The following SPAG6 variants were observed in gnomAD, a reference collection of about 807,000 sequenced individuals.
The protein encoded by SPAG6 is sperm associated antigen 6, also known as sperm-associated antigen 6.
SPAG6 carries 49 observed loss-of-function variants against 58.5 expected under a neutral mutation model. The observed-to-expected ratio is 0.84, with a 90% CI of 0.67 to 1.06. The LOEUF (loss-of-function observed/expected upper bound fraction) is 1.06, where lower values mean the gene tolerates loss of function less well. Among genes scored for constraint, SPAG6 ranks in the 50% least tolerant of loss-of-function variants. The pLI is 0.00. For synonymous variants in SPAG6, 233 were observed against 225.6 expected, an observed-to-expected ratio of 1.03 and a Z score of -0.29; for missense variants, 560 against 611.3, an observed-to-expected ratio of 0.92 and a Z score of 0.89.
At chr10:22,388,200 G>A (rs1174894638) in intron 6 of SPAG6, among the ~76,000 whole-genome samples, 1 of 151,690 alleles carries the variant, frequency 6.6e-6, no homozygotes, top group Non-Finnish European at 1.5e-5. Context: ...TGTTTAGCAG[G>A]ATCCCTAACC....
At chr10:22,358,506 G>A (rs1244703793) in intron 2 of SPAG6, among the ~76,000 whole-genome samples, 4 of 152,058 alleles carry the variant, frequency 2.6e-5, no homozygotes, top group Admixed American at 2.0e-4. Flanking sequence ...AGTAGGTTGC[G>A]AAAATTTTCT....
intron 9 of SPAG6, 96 bp downstream of exon 9, chr10:22,401,373 G>T (rs1323217119): frequency 1.4e-6 from 1 of 695,156 alleles, no homozygotes. Flanking sequence ...CTGTAACACG[G>T]GGTCATGGTT....
chr10:22,364,741 T>C (rs1564364348), intron 2 of SPAG6, 112 bp from the exon 3 acceptor site: 2 of 717,004 alleles, frequency 2.8e-6, no homozygotes, highest in South Asian at 4.6e-5. Context: ...TGAATAGTTT[T>C]ATTTTTACTG....
chr10:22,361,049 A>T, intron 2 of SPAG6: 1 of 482,712 alleles, frequency 2.1e-6, no homozygotes, highest in Non-Finnish European at 3.7e-6. Flanking sequence ...AGAGAAGCAC[A>T]TGGGGACTGA....
intron 2 of SPAG6, chr10:22,360,857 T>C (rs1422894685): frequency 2.0e-6 from 3 of 1,521,630 alleles, no homozygotes; most frequent in Non-Finnish European, 2.6e-6. Context: ...GGATACCTAA[T>C]GGACAGGCAG....
chr10:22,406,477 G>C (rs1834559471), intron 9 of SPAG6, among the ~76,000 whole-genome samples: 1 of 152,130 alleles, frequency 6.6e-6, no homozygotes, highest in Non-Finnish European at 1.5e-5. Context: ...CTGAGTTCTA[G>C]TTTGATTGCA....
intron 4 of SPAG6, among the ~76,000 whole-genome samples, chr10:22,372,485 TGG>T (rs1341975174): frequency 3.3e-5 from 5 of 152,136 alleles, no homozygotes; most frequent in Non-Finnish European, 7.4e-5. Context: ...GCTCAGCCAC[TGG>T]GAGGTGGGTG....
intron 9 of SPAG6, among the ~76,000 whole-genome samples, chr10:22,404,617 G>A (rs1273927428): frequency 5.5e-5 from 7 of 128,328 alleles, no homozygotes; most frequent in East Asian, 2.1e-4. Flanking sequence ...TTGGCAATGC[G>A]GGCTCTTTTT....
At chr10:22,387,309 A>T (rs1834090232) in intron 5 of SPAG6, among the ~76,000 whole-genome samples, 1 of 152,180 alleles carries the variant, frequency 6.6e-6, no homozygotes, top group Non-Finnish European at 1.5e-5. Flanking sequence ...TATTTATCTT[A>T]GCCTTTTTTA....
Position 22,393,748 on chromosome 10 carries a change from C to G in SPAG6, c.1197+1828C>G, listed in dbSNP as rs574575712. Among the ~76,000 whole-genome samples the G allele has an allele frequency of 4.6e-5, 7 of 152,138 alleles. 1 individual carries two copies. The East Asian group carries it at 1.4e-3, about 29-fold the overall frequency. On this transcript the variant is annotated intron_variant, in intron 8 of 10. Coordinates refer to ENST00000376624, the MANE Select transcript of SPAG6 (RefSeq NM_012443.4). ...TGTAGGGATTTGATCATTCTTTTTT[C>G]TTTCCCCACGGTCTCGTGAATTCTC...
At chr10:22,358,038 TA>T (rs1564361806) in intron 2 of SPAG6, among the ~76,000 whole-genome samples, 1 of 152,112 alleles carries the variant, frequency 6.6e-6, no homozygotes, top group Admixed American at 6.6e-5. Context: ...AGTGTCGCAA[TA>T]AACATACGTG....
Position 22,391,755 on chromosome 10 carries a change from G to C in SPAG6, c.1032G>C (p.Leu344Phe). Residue 344 changes from leucine (L) to phenylalanine (F), a missense_variant, in exon 8 of 11, where the codon TTG becomes TTC. By Grantham distance (22) the Leu-to-Phe change is conservative (BLOSUM62 0). Coordinates refer to ENST00000376624, the MANE Select transcript of SPAG6 (RefSeq NM_012443.4). ...GTGTACCCCAGTTGTCAGTCTGCTTGTCAGAAGAACCGGAAGATCATATTA... is the reference window on the plus strand; with the variant it reads ...GTGTACCCCAGTTGTCAGTCTGCTTCTCAGAAGAACCGGAAGATCATATTA... ...SKGVPQLSVC[L>F]SEEPEDHIKA... 3 of 1,613,456 alleles carry C rather than the reference G, an allele frequency of 1.9e-6. No individual in the cohort carries two copies. Among genetic ancestry groups the C allele is most frequent in the East Asian group, 2.2e-5 (1 of 44,870 alleles).
intron 4 of SPAG6, among the ~76,000 whole-genome samples, chr10:22,373,939 A>T (rs1833761790): frequency 6.6e-6 from 1 of 152,256 alleles, no homozygotes. Context: ...CAAATGTGCT[A>T]AACAAAACAA....
At chr10:22,390,244 T>C (rs1834156274) in intron 7 of SPAG6, among the ~76,000 whole-genome samples, 1 of 152,178 alleles carries the variant, frequency 6.6e-6, no homozygotes. Context: ...TTCTGAAGGG[T>C]CACGGTAAGG....
chr10:22,394,687 A>G (rs866303919), intron 8 of SPAG6, among the ~76,000 whole-genome samples: 2 of 152,150 alleles, frequency 1.3e-5, no homozygotes, highest in Non-Finnish European at 2.9e-5. Context: ...TCTTTTGGAC[A>G]TTTCATTTAA....
At chr10:22,381,819 T>C (rs1161738124) in intron 4 of SPAG6, among the ~76,000 whole-genome samples, 2 of 152,226 alleles carry the variant, frequency 1.3e-5, no homozygotes, top group African/African-American at 4.8e-5. Flanking sequence ...TGAATGTTGT[T>C]GATCTTAAAA....
intron 8 of SPAG6, among the ~76,000 whole-genome samples, chr10:22,398,999 A>G (rs369835866): frequency 1.3e-5 from 2 of 152,134 alleles, no homozygotes; most frequent in South Asian, 2.1e-4. Flanking sequence ...TTGTATTTTC[A>G]ATAGACACAG....
rs1336838715 is a variant in SPAG6 at position 22,345,581 on chromosome 10, C to A, written c.-31C>A. 1 of 1,521,662 alleles carries A rather than the reference C, an allele frequency of 6.6e-7. No individual in the cohort carries two copies. Among genetic ancestry groups the A allele is most frequent in the South Asian group, 1.2e-5 (1 of 81,794 alleles). The allele number at this position is 1,521,662 out of a possible 1,614,324, so 94.3% of individuals were successfully genotyped here. ...CAGGCCGAGCGGCTTCCCCGCAGAGCTCGAGGAGGGCAGACGGCGGCGGGG... is the reference window on the plus strand; with the variant it reads ...CAGGCCGAGCGGCTTCCCCGCAGAGATCGAGGAGGGCAGACGGCGGCGGGG... On this transcript the variant is annotated 5_prime_UTR_variant, in exon 1 of 11. Coordinates refer to ENST00000376624, the MANE Select transcript of SPAG6 (RefSeq NM_012443.4). The surrounding 1 kb of genome is among the most constrained non-coding windows in gnomAD (Gnocchi z 6.3).
intron 4 of SPAG6, among the ~76,000 whole-genome samples, chr10:22,370,459 TCTAA>T (rs1338792827): frequency 2.0e-5 from 3 of 152,196 alleles, no homozygotes; most frequent in African/African-American, 7.2e-5. Context: ...GGAATTTGAG[TCTAA>T]CTGTCTGACT....
Sources: allele counts gnomAD v4.1 joint callset (sites outside exome capture counted in the v4.1 genomes callset), GRCh38; gene constraint gnomAD v4.1.1; non-coding constraint Gnocchi (gnomAD v3.1); transcripts MANE v1.5; gene names NCBI Gene and HGNC (gene_info 2026-07-23, HGNC 2026-07-21).